The following SLIRP variants were observed in gnomAD, a reference collection of about 807,000 sequenced individuals.
SLIRP encodes the protein SRA stem-loop interacting RNA binding protein, also known as SRA stem-loop-interacting RNA-binding protein, mitochondrial.
In SLIRP, 12 loss-of-function variants were observed where a neutral mutation model predicts 13.4. The observed-to-expected ratio is 0.89, with a 90% confidence interval of 0.57 to 1.45. SLIRP has a LOEUF of 1.45. Among genes scored for constraint, SLIRP ranks in the 40% most tolerant of loss-of-function variants. SLIRP has a pLI of 0.00. For synonymous variants in SLIRP, 55 were observed against 47.1 expected (o/e 1.17, Z -0.69); for missense variants, 154 against 132.2 (o/e 1.17, Z -0.81).
chr14:77,715,963 G>A, intron 3 of SLIRP, 84 bp downstream of exon 3: 1 of 1,044,082 alleles, frequency 9.6e-7, no homozygotes, highest in Non-Finnish European at 1.5e-6. Context: ...GATCATAAAT[G>A]TGGAATGATG....
chr14:77,716,092 G>A (rs1254548000), intron 3 of SLIRP: 19 of 413,730 alleles, frequency 4.6e-5, no homozygotes, highest in East Asian at 3.2e-4. Context: ...CGAGGCGGGC[G>A]GATCACAAGG....
chr14:77,715,396 T>C (rs2544567), intron 2 of SLIRP, among the ~76,000 whole-genome samples: 124,491 of 151,748 alleles, frequency 0.82, 51,175 homozygotes, highest in Middle Eastern at 0.86. Context: ...GTAATTTCAC[T>C]ACTTTGGGAG....
chr14:77,717,357 A>G, intron 3 of SLIRP, 139 bp from the exon 4 acceptor site: 3 of 713,694 alleles, frequency 4.2e-6, no homozygotes, highest in Non-Finnish European at 7.2e-6. Context: ...GAATTTGAGG[A>G]GAAAACGAAA....
intron 1 of SLIRP, among the ~76,000 whole-genome samples, chr14:77,710,091 G>C (rs1323524673): frequency 1.3e-5 from 2 of 152,164 alleles, no homozygotes; most frequent in Non-Finnish European, 2.9e-5. Context: ...TGAAGTACAA[G>C]CACTGTAGTT....
At chr14:77,709,923 T>A (rs1046968794) in intron 1 of SLIRP, among the ~76,000 whole-genome samples, 1 of 152,224 alleles carries the variant, frequency 6.6e-6, no homozygotes, top group African/African-American at 2.4e-5. Flanking sequence ...GAGGCCCTGC[T>A]GTTTATTGGT....
chr14:77,713,932 C>A (rs144377003), intron 2 of SLIRP, among the ~76,000 whole-genome samples: 1 of 152,032 alleles, frequency 6.6e-6, no homozygotes, highest in Admixed American at 6.6e-5. Context: ...AAATAAAAGG[C>A]GGCTTTGATG....
chr14:77,712,961 T>A (rs2080452305), intron 2 of SLIRP, among the ~76,000 whole-genome samples: 4 of 148,338 alleles, frequency 2.7e-5, no homozygotes. Context: ...ATCACAGGAG[T>A]GACATCCCAT....
intron 1 of SLIRP, 111 bp downstream of exon 1, chr14:77,708,319 C>A: frequency 9.3e-7 from 1 of 1,069,574 alleles, no homozygotes; most frequent in Non-Finnish European, 1.4e-6. Flanking sequence ...TAGGAGACTG[C>A]TCCTGAGCAT....
chr14:77,715,981 G>C (rs1217618408), intron 3 of SLIRP, 102 bp downstream of exon 3: 1 of 950,308 alleles, frequency 1.1e-6, no homozygotes, highest in African/African-American at 1.6e-5. Context: ...ATGGGGACTT[G>C]GAGAGATTTG....
intron 2 of SLIRP, among the ~76,000 whole-genome samples, chr14:77,714,820 TAATGAG>T (rs1209768158): frequency 1.3e-5 from 2 of 152,192 alleles, no homozygotes; most frequent in Non-Finnish European, 1.5e-5. Flanking sequence ...TGAATGAGAC[TAATGAG>T]GACCAGTTTG....
intron 2 of SLIRP, chr14:77,711,655 A>G (rs2080441577): frequency 6.6e-6 from 1 of 152,324 alleles, no homozygotes; most frequent in Non-Finnish European, 1.5e-5. Flanking sequence ...TCCCAGGCTT[A>G]GGTGATCCTC....
chr14:77,714,119 T>G (rs2080459171), intron 2 of SLIRP, among the ~76,000 whole-genome samples: 1 of 152,056 alleles, frequency 6.6e-6, no homozygotes. Context: ...GGGATCCTTC[T>G]GCCTCTGCCT....
chr14:77,715,124 T>TA (rs1452722389), intron 2 of SLIRP, among the ~76,000 whole-genome samples: 20 of 152,242 alleles, frequency 1.3e-4, no homozygotes, highest in African/African-American at 4.8e-4. Flanking sequence ...CTTTGAGGCT[T>TA]AATTTTCTAG....
Position 77,708,120 on chromosome 14 carries a change from C to T in SLIRP, c.9C>T (p.Ala3=), listed in dbSNP as rs781210330. The change falls in exon 1 of 4, where the codon GCC becomes GCT. Residue 3 remains alanine, a synonymous_variant. Transcript: ENST00000557342. ...GGTGCTTTAGTCTGAAGATGGCGGCCTCAGCAGCGAGAGGTGCTGCGGCGC... is the reference window on the plus strand; with the variant it reads ...GGTGCTTTAGTCTGAAGATGGCGGCTTCAGCAGCGAGAGGTGCTGCGGCGC... MA[A]SAARGAAALR... 27 of 1,613,920 alleles carry T rather than the reference C, an allele frequency of 1.7e-5. No individual in the cohort carries two copies. In the Admixed American group the frequency reaches 3.3e-4, roughly 20 times the overall value.
At chr14:77,716,642 CAAAAAAAA>C (rs56736320) in intron 3 of SLIRP, among the ~76,000 whole-genome samples, 3 of 80,972 alleles carry the variant, frequency 3.7e-5, no homozygotes, top group African/African-American at 5.0e-5. Flanking sequence ...AACTCCATCT[CAAAAAAAA>C]AAAAAAAAAA....
intron 2 of SLIRP, 81 bp downstream of exon 2, chr14:77,710,977 T>C: frequency 1.7e-6 from 2 of 1,162,186 alleles, no homozygotes; most frequent in South Asian, 1.2e-5. Flanking sequence ...ACCTATTTGA[T>C]AGTACAACAG....
chr14:77,715,738 A>G, intron 2 of SLIRP, 34 bp from the exon 3 acceptor site: 1 of 1,558,276 alleles, frequency 6.4e-7, no homozygotes, highest in South Asian at 1.2e-5. Flanking sequence ...TCTGAAGTTC[A>G]TGATTAATCT....
At chr14:77,711,403 C>T (rs898213855) in intron 2 of SLIRP, among the ~76,000 whole-genome samples, 2 of 152,130 alleles carry the variant, frequency 1.3e-5, no homozygotes, top group Middle Eastern at 3.2e-3. Flanking sequence ...GATCTCACTG[C>T]AGCCTCTGCC....
At chr14:77,708,095 G>A (rs753376953), upstream of SLIRP, 3 of 1,611,996 alleles carry the variant, frequency 1.9e-6, no homozygotes, top group Non-Finnish European at 1.7e-6. Context: ...GGCTCGAGAA[G>A]GTGCTTTAGT....
Sources: gnomAD v4.1 joint callset for allele counts (sites outside exome capture counted in the v4.1 genomes callset) on GRCh38, gnomAD v4.1.1 for gene constraint, MANE v1.5 for transcripts, NCBI Gene and HGNC (gene_info 2026-07-23, HGNC 2026-07-21) for gene names.